PDE11A: variants seen among roughly 807,000 people sequenced by gnomAD.
PDE11A encodes dual 3',5'-cyclic-AMP and -GMP phosphodiesterase 11A.
In PDE11A, 100 loss-of-function variants were observed where a neutral mutation model predicts 100.5. The observed-to-expected ratio is 1.00, with a 90% CI of 0.85 to 1.18. The LOEUF is 1.18. PDE11A is among the 50% of genes most tolerant of loss of function. The probability of loss-of-function intolerance (pLI) is 0.00; values close to 1 mark genes in which losing one functional copy is unlikely to be tolerated. For synonymous variants in PDE11A, 381 were observed against 420.8 expected (o/e 0.91, Z 1.16); for missense variants, 1,141 against 1,152.6 (o/e 0.99, Z 0.15).
chr2:177,743,940 T>C (rs187767440), intron 10 of PDE11A, among the ~76,000 whole-genome samples: 1 of 152,296 alleles, frequency 6.6e-6, no homozygotes, highest in Non-Finnish European at 1.5e-5. Flanking sequence ...TTTTGCTTTT[T>C]AGGTATCTGT....
At chr2:177,739,882 G>A (rs542992102) in intron 10 of PDE11A, among the ~76,000 whole-genome samples, 22 of 152,272 alleles carry the variant, frequency 1.4e-4, no homozygotes, top group African/African-American at 4.8e-4. Flanking sequence ...GCCATCACTC[G>A]CAGTGAGGAA....
At position 178,071,667 on chromosome 2, in the gene PDE11A, G is replaced by T. The variant is rs1052271430; in HGVS notation, c.771C>A (p.Phe257Leu). 3 of 1,613,562 alleles carry T rather than the reference G, an allele frequency of 1.9e-6. No homozygotes were observed. The highest frequency in any genetic ancestry group is 2.7e-5 in the African/African-American group (2 of 75,046). ...GAGGTGTTCCTGCATGCACATCAAA[G>T]AATTTGGAGACCAAGGTCTTCTTGC... is the stretch of plus-strand genomic sequence containing the variant. ...AAGKKTLVSK[F>L]FDVHAGTPLL... The change falls in exon 1 of 20, where the codon TTC becomes TTA. Residue 257 changes from phenylalanine (F) to leucine (L), a missense_variant. By Grantham distance (22) the Phe-to-Leu change is conservative. Coordinates refer to ENST00000286063, the MANE Select transcript of PDE11A (RefSeq NM_016953.4).
chr2:177,788,598 G>T (rs1164453349), intron 9 of PDE11A, among the ~76,000 whole-genome samples: 4 of 151,714 alleles, frequency 2.6e-5, no homozygotes, highest in African/African-American at 7.3e-5. Context: ...ATGAATCCAG[G>T]AGCTGGTTTT....
intron 2 of PDE11A, among the ~76,000 whole-genome samples, chr2:177,935,422 T>A (rs947314543): frequency 3.3e-5 from 5 of 152,202 alleles, no homozygotes; most frequent in African/African-American, 1.2e-4. Context: ...GAGACATCAT[T>A]TTACCATATT....
chr2:177,806,997 A>G (rs114328223), intron 9 of PDE11A, among the ~76,000 whole-genome samples: 1,949 of 152,262 alleles, frequency 0.013, 41 homozygotes, highest in African/African-American at 0.044. Context: ...AAAAATAAGT[A>G]TTTGAAAAGA....
At chr2:177,716,522 G>A (rs1006838092) in intron 12 of PDE11A, among the ~76,000 whole-genome samples, 7 of 152,004 alleles carry the variant, frequency 4.6e-5, no homozygotes, top group Non-Finnish European at 1.0e-4. Flanking sequence ...CTTTCTCTCC[G>A]TATTATTTGA....
intron 2 of PDE11A, among the ~76,000 whole-genome samples, chr2:178,000,051 G>T (rs1228708069): frequency 6.6e-6 from 1 of 152,162 alleles, no homozygotes; most frequent in African/African-American, 2.4e-5. Context: ...ATATGAAAGG[G>T]GTGGGGGAAA....
intron 2 of PDE11A, among the ~76,000 whole-genome samples, chr2:178,094,988 G>C (rs1261547047): frequency 2.6e-5 from 4 of 152,138 alleles, no homozygotes; most frequent in Non-Finnish European, 4.4e-5. Context: ...GGAGATTATG[G>C]GGATTGCAAT....
chr2:177,682,708 A>G (rs1447452898), intron 15 of PDE11A, among the ~76,000 whole-genome samples: 4 of 151,860 alleles, frequency 2.6e-5, no homozygotes, highest in African/African-American at 9.7e-5. Context: ...GCTAGACTTA[A>G]GAGGTGCTCC....
At chr2:177,703,103 G>A (rs926824540) in intron 13 of PDE11A, among the ~76,000 whole-genome samples, 1 of 152,120 alleles carries the variant, frequency 6.6e-6, no homozygotes, top group Non-Finnish European at 1.5e-5. Context: ...AATATTGGTT[G>A]CTTGTCTAAT....
At chr2:177,769,401 T>G in intron 9 of PDE11A, 28 bp from the exon 10 acceptor site, 1 of 1,332,404 alleles carries the variant, frequency 7.5e-7, no homozygotes, top group Non-Finnish European at 1.1e-6. Context: ...AAAATAATTT[T>G]AATAACTAGA....
At chr2:177,992,759 C>A (rs1314522087) in intron 2 of PDE11A, among the ~76,000 whole-genome samples, 1 of 152,116 alleles carries the variant, frequency 6.6e-6, no homozygotes, top group Non-Finnish European at 1.5e-5. Flanking sequence ...GAACATTGAT[C>A]TATCCAAATA....
intron 10 of PDE11A, among the ~76,000 whole-genome samples, chr2:177,749,041 A>G (rs1327434935): frequency 6.6e-6 from 1 of 152,246 alleles, no homozygotes; most frequent in Admixed American, 6.5e-5. Flanking sequence ...ACAGTGGAAA[A>G]TAATGTGGAT....
At chr2:177,899,658 A>ATAT in intron 3 of PDE11A, 10 of 191,400 alleles carry the variant, frequency 5.2e-5, no homozygotes, top group South Asian at 1.1e-4. Flanking sequence ...ATATATATGT[A>ATAT]ATTTACATTT....
chr2:178,044,895 G>T (rs75626906), intron 1 of PDE11A, among the ~76,000 whole-genome samples: 1,597 of 151,954 alleles, frequency 0.011, 21 homozygotes, highest in African/African-American at 0.036. Context: ...TATTATTTTT[G>T]ATTGCTTCAG....
intron 1 of PDE11A, among the ~76,000 whole-genome samples, chr2:178,020,285 G>A (rs1047358119): frequency 6.6e-6 from 1 of 152,102 alleles, no homozygotes; most frequent in African/African-American, 2.4e-5. Flanking sequence ...TCTGGAGAAG[G>A]GTCTCTTACC....
chr2:177,950,068 C>G (rs1029738500), intron 2 of PDE11A, among the ~76,000 whole-genome samples: 5 of 152,200 alleles, frequency 3.3e-5, no homozygotes, highest in African/African-American at 1.2e-4. Flanking sequence ...TTCAAACTTA[C>G]AATAATGTTG....
At chr2:177,945,559 G>A (rs530549905) in intron 2 of PDE11A, among the ~76,000 whole-genome samples, 51 of 150,728 alleles carry the variant, frequency 3.4e-4, no homozygotes, top group African/African-American at 1.2e-3. Flanking sequence ...CCCCGTCTGA[G>A]AAGTGAGGAG....
At chr2:177,852,402 T>C (rs1025557356) in intron 5 of PDE11A, among the ~76,000 whole-genome samples, 1 of 152,076 alleles carries the variant, frequency 6.6e-6, no homozygotes, top group Admixed American at 6.5e-5. Context: ...ATTTTTGATC[T>C]ATATGATAGT....
Sources: gnomAD v4.1 joint callset for allele counts (sites outside exome capture counted in the v4.1 genomes callset) on GRCh38, gnomAD v4.1.1 for gene constraint, MANE v1.5 for transcripts, NCBI Gene and HGNC (gene_info 2026-07-23, HGNC 2026-07-21) for gene names.